Variants in TASP1 observed in about 807,000 individuals in gnomAD.
TASP1 encodes threonine aspartase 1.
A neutral mutation model predicts 56.6 loss-of-function variants in TASP1; 16 were observed. The observed-to-expected ratio is 0.28, with a 90% CI of 0.19 to 0.43. The LOEUF (loss-of-function observed/expected upper bound fraction) is 0.43. Among genes scored for constraint, TASP1 ranks in the 20% least tolerant of loss-of-function variants. TASP1 has a pLI of 1.00. For synonymous variants in TASP1, 179 were observed against 184.2 expected (o/e 0.97, Z 0.23); for missense variants, 393 against 511.6 (o/e 0.77, Z 2.24).
the TASP1 span, among the ~76,000 whole-genome samples, chr20:13,172,603 A>G: frequency 2.0e-5 from 3 of 152,130 alleles, no homozygotes; most frequent in Admixed American, 1.3e-4. Context: ...ATACCTCATC[A>G]GCAATACCAG....
chr20:13,311,255 A>AGATAGAT, the TASP1 span, among the ~76,000 whole-genome samples: 436 of 132,570 alleles, frequency 3.3e-3, 3 homozygotes, highest in African/African-American at 0.011. Flanking sequence ...ATAGATAGAT[A>AGATAGAT]GATAGATAGA....
At chr20:13,121,200 G>C in the TASP1 span, among the ~76,000 whole-genome samples, 1 of 152,214 alleles carries the variant, frequency 6.6e-6, no homozygotes, top group African/African-American at 2.4e-5. Flanking sequence ...TCCACAGGCT[G>C]ACCAGAGACT....
chr20:13,324,337 G>A, the TASP1 span, among the ~76,000 whole-genome samples: 1 of 152,208 alleles, frequency 6.6e-6, no homozygotes, highest in Non-Finnish European at 1.5e-5. Flanking sequence ...CTTGCTAGCT[G>A]CAAGATATAA....
At chr20:13,329,962 T>TC in the TASP1 span, among the ~76,000 whole-genome samples, 2 of 152,076 alleles carry the variant, frequency 1.3e-5, no homozygotes. Context: ...AAATTCCTTT[T>TC]TTTTTTTTAA....
At chr20:13,144,395 T>A in the TASP1 span, among the ~76,000 whole-genome samples, 1 of 152,222 alleles carries the variant, frequency 6.6e-6, no homozygotes, top group East Asian at 1.9e-4. Flanking sequence ...TCAATCATCC[T>A]CCCAGAAGTC....
the TASP1 span, among the ~76,000 whole-genome samples, chr20:13,193,748 C>T: frequency 4.0e-4 from 61 of 152,270 alleles, no homozygotes; most frequent in East Asian, 0.011. Flanking sequence ...GGCATTTGTC[C>T]TTATGTCTGT....
At chr20:13,313,094 C>G in the TASP1 span, among the ~76,000 whole-genome samples, 1 of 152,180 alleles carries the variant, frequency 6.6e-6, no homozygotes, top group South Asian at 2.1e-4. Context: ...TGGGCCCCAT[C>G]CCACCACCTT....
the TASP1 span, among the ~76,000 whole-genome samples, chr20:13,208,826 A>T: frequency 6.6e-6 from 1 of 152,322 alleles, no homozygotes; most frequent in Non-Finnish European, 1.5e-5. Context: ...CACAACTGGG[A>T]TTAGCCCAGA....
chr20:13,292,542 G>C, the TASP1 span: 10 of 857,614 alleles, frequency 1.2e-5, no homozygotes, highest in Non-Finnish European at 7.6e-6. Flanking sequence ...TGCCATCCTT[G>C]GATCCACGTA....
intron 11 of TASP1, among the ~76,000 whole-genome samples, chr20:13,449,631 A>G (rs1182172365): frequency 1.3e-5 from 2 of 152,154 alleles, no homozygotes; most frequent in African/African-American, 2.4e-5. Context: ...GATTGCTGAT[A>G]TTCCAGTTTC....
At chr20:13,302,684 G>T in the TASP1 span, among the ~76,000 whole-genome samples, 1 of 152,128 alleles carries the variant, frequency 6.6e-6, no homozygotes, top group Non-Finnish European at 1.5e-5. Flanking sequence ...ATATGACCCC[G>T]CAGTAGCTGC....
At chr20:13,557,596 TTTG>T (rs2046207175) in intron 8 of TASP1, among the ~76,000 whole-genome samples, 1 of 147,676 alleles carries the variant, frequency 6.8e-6, no homozygotes, top group African/African-American at 2.5e-5. Context: ...TTTTTTTTTT[TTTG>T]AGACAGGGTC....
intron 4 of TASP1, among the ~76,000 whole-genome samples, chr20:13,604,689 T>C (rs1200993768): frequency 6.6e-6 from 1 of 152,170 alleles, no homozygotes; most frequent in Non-Finnish European, 1.5e-5. Flanking sequence ...TCATTAACAG[T>C]AGCCATTAGG....
chr20:13,147,492 C>G, the TASP1 span, among the ~76,000 whole-genome samples: 1 of 152,094 alleles, frequency 6.6e-6, no homozygotes, highest in Non-Finnish European at 1.5e-5. Context: ...AACTTTACTC[C>G]AAGGTCTCTC....
At chr20:13,559,243 G>C (rs1433989641) in intron 7 of TASP1, 129 bp from the exon 8 acceptor site, 3 of 514,960 alleles carry the variant, frequency 5.8e-6, no homozygotes, top group Non-Finnish European at 9.7e-6. Context: ...GGTTTAAAAA[G>C]TCTTTTCAAT....
the TASP1 span, among the ~76,000 whole-genome samples, chr20:13,225,122 G>A: frequency 1.1e-4 from 17 of 151,986 alleles, no homozygotes; most frequent in East Asian, 2.1e-3. Flanking sequence ...CAAAGTGCTG[G>A]GATTACAGGC....
intron 4 of TASP1, among the ~76,000 whole-genome samples, chr20:13,622,311 G>A (rs1286275727): frequency 6.6e-6 from 1 of 152,148 alleles, no homozygotes; most frequent in Non-Finnish European, 1.5e-5. Context: ...CGGACACATG[G>A]CTAATGACTG....
At chr20:13,576,247 G>GAGAAGAGAAA (rs2046905325) in intron 6 of TASP1, among the ~76,000 whole-genome samples, 1 of 146,292 alleles carries the variant, frequency 6.8e-6, no homozygotes, top group African/African-American at 2.5e-5. Flanking sequence ...GCGGAGGGAA[G>GAGAAGAGAAA]GGAAGATAAG....
intron 5 of TASP1, among the ~76,000 whole-genome samples, chr20:13,585,365 A>T (rs1045532815): frequency 2.6e-5 from 4 of 152,210 alleles, no homozygotes; most frequent in African/African-American, 9.6e-5. Context: ...TTAAAATCAG[A>T]AACTTCTATT....
Sources: allele counts gnomAD v4.1 joint callset (sites outside exome capture counted in the v4.1 genomes callset), GRCh38; gene constraint gnomAD v4.1.1; transcripts MANE v1.5; gene names NCBI Gene and HGNC (gene_info 2026-07-23, HGNC 2026-07-21).